SLC12A8: variants seen among roughly 807,000 people sequenced by gnomAD.
SLC12A8 encodes solute carrier family 12 member 8.
Under a neutral mutation model 75.6 loss-of-function variants are expected in SLC12A8, and 69 were observed. The ratio of observed to expected loss-of-function variants is 0.91; its 90% CI spans 0.75 to 1.11. SLC12A8 has a LOEUF of 1.11. Among genes scored for constraint, SLC12A8 ranks in the 50% most tolerant of loss-of-function variants. The pLI is 0.00. For synonymous variants in SLC12A8, 365 were observed against 372.8 expected (o/e 0.98, Z 0.24); for missense variants, 877 against 896.7 (o/e 0.98, Z 0.28).
chr3:125,104,321 C>A (rs1453253852), intron 10 of SLC12A8, among the ~76,000 whole-genome samples: 1 of 151,914 alleles, frequency 6.6e-6, no homozygotes, highest in African/African-American at 2.4e-5. Context: ...GTTGCCCAGG[C>A]TGATCTTGAA....
At chr3:125,173,998 A>C (rs114267974) in intron 5 of SLC12A8, among the ~76,000 whole-genome samples, 3 of 151,454 alleles carry the variant, frequency 2.0e-5, no homozygotes, top group Non-Finnish European at 4.4e-5. Context: ...AGGCTGAGGC[A>C]TAAGAATTGC....
Position 125,083,758 on chromosome 3 carries a change from C to A in SLC12A8, c.*132G>T. On this transcript the variant is annotated 3_prime_UTR_variant, in exon 14 of 14. Transcript: ENST00000469902. ...AAAAGGGAAAAGAAAATGTAGATTT[C>A]CATTGTCCAAAGTGACAGCGGGAGG... The A allele has an allele frequency of 4.6e-6, 4 of 860,480 alleles. No homozygotes were observed. The highest frequency in any genetic ancestry group is 6.8e-6 in the Non-Finnish European group (4 of 584,438). 53.3% of individuals were successfully genotyped at this position (860,480 alleles called of 1,614,324 possible).
chr3:125,148,336 G>T lies in SLC12A8; in HGVS notation c.623-12554C>A, dbSNP rs577257939. Reference sequence around the variant, plus strand: ...GGGTTAGGTCAACCCTGTGGCAGAGGCCTCAATATTTCTTCAAAACACGTC... The same window carrying T: ...GGGTTAGGTCAACCCTGTGGCAGAGTCCTCAATATTTCTTCAAAACACGTC... On this transcript the variant is annotated intron_variant, in intron 5 of 13. Transcript: ENST00000469902. 2.6e-5 allele frequency among the ~76,000 whole-genome samples: 4 copies of T among 152,240 alleles called. No individual in the cohort carries two copies. The South Asian group carries it at 8.3e-4, about 32-fold the overall frequency.
intron 10 of SLC12A8, among the ~76,000 whole-genome samples, chr3:125,105,075 A>T (rs1242258427): frequency 9.1e-6 from 1 of 109,762 alleles, no homozygotes; most frequent in Admixed American, 1.0e-4. Context: ...CCAACACTTT[A>T]AAAAAAAAAT....
At chr3:125,096,821 T>A (rs966196963) in intron 10 of SLC12A8, among the ~76,000 whole-genome samples, 4 of 134,608 alleles carry the variant, frequency 3.0e-5, no homozygotes, top group Non-Finnish European at 6.6e-5. Flanking sequence ...GTTTTAACAA[T>A]TTAATTAAAT....
chr3:125,200,941 C>T (rs1007038500), intron 2 of SLC12A8, among the ~76,000 whole-genome samples: 2 of 152,274 alleles, frequency 1.3e-5, no homozygotes, highest in East Asian at 1.9e-4. Context: ...GCTCCTAAAG[C>T]CTGTAACCAG....
intron 5 of SLC12A8, among the ~76,000 whole-genome samples, chr3:125,157,079 T>A (rs1934066432): frequency 6.6e-6 from 1 of 152,188 alleles, no homozygotes; most frequent in Non-Finnish European, 1.5e-5. Flanking sequence ...CTACATTAGT[T>A]TTAACTTCAA....
intron 12 of SLC12A8, 117 bp from the exon 13 acceptor site, chr3:125,088,487 A>C: frequency 1.3e-6 from 1 of 772,736 alleles, no homozygotes; most frequent in Non-Finnish European, 2.2e-6. Context: ...GAATTAACAC[A>C]AATGTTTTCC....
intron 10 of SLC12A8, among the ~76,000 whole-genome samples, chr3:125,100,512 A>C (rs994772605): frequency 6.6e-6 from 1 of 151,584 alleles, no homozygotes; most frequent in African/African-American, 2.4e-5. Flanking sequence ...GGTTCAAGTG[A>C]TTCTCCTGCC....
intron 5 of SLC12A8, among the ~76,000 whole-genome samples, chr3:125,141,943 G>C (rs1424368054): frequency 6.6e-6 from 1 of 152,144 alleles, no homozygotes; most frequent in Non-Finnish European, 1.5e-5. Flanking sequence ...TCTGGGAAGG[G>C]ACCCGCACGA....
chr3:125,161,465 G>A (rs527691668), intron 5 of SLC12A8, among the ~76,000 whole-genome samples: 16 of 152,236 alleles, frequency 1.1e-4, no homozygotes, highest in East Asian at 5.8e-4. Flanking sequence ...CTGTTCATGA[G>A]TGTTTCACAT....
chr3:125,105,867 T>C (rs957909931), intron 10 of SLC12A8, among the ~76,000 whole-genome samples: 1 of 151,990 alleles, frequency 6.6e-6, no homozygotes, highest in South Asian at 2.1e-4. Flanking sequence ...CCATCTCTAC[T>C]AAAAATACAA....
At chr3:125,188,725 C>T (rs1432947286) in intron 3 of SLC12A8, among the ~76,000 whole-genome samples, 1 of 152,238 alleles carries the variant, frequency 6.6e-6, no homozygotes, top group African/African-American at 2.4e-5. Flanking sequence ...AGTTCAAGAG[C>T]TGAGTGGCCT....
intron 10 of SLC12A8, among the ~76,000 whole-genome samples, chr3:125,106,799 GCTGTGCAAAGAATCAGGTCAGAGTCTTCT>G (rs1225744305): frequency 5.3e-5 from 8 of 152,302 alleles, no homozygotes; most frequent in Non-Finnish European, 1.0e-4. Context: ...GTGATGTCCA[GCTGTGCAAAGAATCAGGTCAGAGTCTTCT>G]CTGTGACCTC....
chr3:125,180,613 C>T (rs1283292137), intron 4 of SLC12A8, among the ~76,000 whole-genome samples: 4 of 152,118 alleles, frequency 2.6e-5, no homozygotes, highest in Admixed American at 2.0e-4. Context: ...ATCCCTTGAA[C>T]CCGGGAGACA....
intron 4 of SLC12A8, among the ~76,000 whole-genome samples, chr3:125,185,359 T>TAAAAAAAA (rs200494148): frequency 7.9e-6 from 1 of 127,082 alleles, no homozygotes; most frequent in Non-Finnish European, 1.7e-5. Flanking sequence ...ATTCCCAGAT[T>TAAAAAAAA]AAAAAAAAAA....
At chr3:125,164,651 G>A (rs565433321) in intron 5 of SLC12A8, among the ~76,000 whole-genome samples, 158 of 152,348 alleles carry the variant, frequency 1.0e-3, no homozygotes, top group African/African-American at 3.6e-3. Flanking sequence ...GGGTCTTGCC[G>A]GCCTGAGCGC....
At chr3:125,095,080 T>C (rs541142752) in intron 10 of SLC12A8, among the ~76,000 whole-genome samples, 2 of 152,354 alleles carry the variant, frequency 1.3e-5, no homozygotes, top group African/African-American at 4.8e-5. Flanking sequence ...CTTTTTTCCA[T>C]GTATACCCAC....
At chr3:125,105,588 A>C (rs1329930864) in intron 10 of SLC12A8, among the ~76,000 whole-genome samples, 1 of 152,230 alleles carries the variant, frequency 6.6e-6, no homozygotes, top group African/African-American at 2.4e-5. Flanking sequence ...GCAAAAAAGG[A>C]AATGTAATCA....
Sources: gnomAD v4.1 joint callset for allele counts (sites outside exome capture counted in the v4.1 genomes callset) on GRCh38, gnomAD v4.1.1 for gene constraint, MANE v1.5 for transcripts, NCBI Gene and HGNC (gene_info 2026-07-23, HGNC 2026-07-21) for gene names.